Variants in TGFBR3 observed in about 807,000 individuals in gnomAD.
TGFBR3 encodes the protein transforming growth factor beta receptor 3, also known as transforming growth factor beta receptor type 3.
Under a neutral mutation model 87.9 loss-of-function variants are expected in TGFBR3, and 46 were observed. The observed-to-expected ratio is 0.52, with a 90% confidence interval of 0.41 to 0.67. The LOEUF is 0.67. Among genes scored for constraint, TGFBR3 ranks in the 30% least tolerant of loss-of-function variants. The probability of loss-of-function intolerance (pLI) is 0.00; values close to 1 mark genes in which losing one functional copy is unlikely to be tolerated. For synonymous variants in TGFBR3, 381 were observed against 391.6 expected, an observed-to-expected ratio of 0.97 and a Z score of 0.32; for missense variants, 866 against 1,041.9, an observed-to-expected ratio of 0.83 and a Z score of 2.32.
intron 7 of TGFBR3, among the ~76,000 whole-genome samples, chr1:91,723,912 C>T (rs1672460089): frequency 6.6e-6 from 1 of 152,190 alleles, no homozygotes; most frequent in African/African-American, 2.4e-5. Flanking sequence ...AATCCTTTCC[C>T]ACTGTAAAAC....
At chr1:91,757,135 C>T (rs1366259765) in intron 4 of TGFBR3, among the ~76,000 whole-genome samples, 1 of 152,138 alleles carries the variant, frequency 6.6e-6, no homozygotes, top group Non-Finnish European at 1.5e-5. Context: ...CTTTTTGTCT[C>T]CTCTAATCTG....
chr1:91,733,650 A>G (rs1327257436), intron 5 of TGFBR3, among the ~76,000 whole-genome samples: 1 of 152,216 alleles, frequency 6.6e-6, no homozygotes, highest in East Asian at 1.9e-4. Context: ...TGTTCACACA[A>G]TCAGCCAGCT....
intron 3 of TGFBR3, among the ~76,000 whole-genome samples, chr1:91,796,030 A>G (rs1056281543): frequency 3.9e-5 from 6 of 152,198 alleles, no homozygotes; most frequent in African/African-American, 1.4e-4. Context: ...TCTGGAAATT[A>G]ACTTTCTTGA....
chr1:91,852,385 T>C (rs1677770703), intron 2 of TGFBR3, among the ~76,000 whole-genome samples: 1 of 152,170 alleles, frequency 6.6e-6, no homozygotes. Flanking sequence ...CCCGTGTGTG[T>C]GTATGTGTGT....
At chr1:91,904,217 T>G (rs766289398) in intron 1 of TGFBR3, among the ~76,000 whole-genome samples, 8 of 151,496 alleles carry the variant, frequency 5.3e-5, no homozygotes, top group African/African-American at 9.7e-5. Flanking sequence ...ACTCAAAAAC[T>G]TACTTTGGAA....
intron 1 of TGFBR3, among the ~76,000 whole-genome samples, chr1:91,869,705 A>T (rs1376053284): frequency 6.6e-6 from 1 of 152,220 alleles, no homozygotes; most frequent in Non-Finnish European, 1.5e-5. Context: ...AGGATGATAA[A>T]TTAGAACATT....
chr1:91,786,619 C>T (rs1204049721), intron 3 of TGFBR3, among the ~76,000 whole-genome samples: 1 of 151,764 alleles, frequency 6.6e-6, no homozygotes. Context: ...GGTGTAGTGG[C>T]GGGTGCCTGT....
rs57364204 is a variant in TGFBR3, at chr1:91,729,150, T to TACACACACACACACAC, written c.737+639_737+654dup. Among the ~76,000 whole-genome samples the TACACACACACACACAC allele has an allele frequency of 4.6e-4, 31 of 66,906 alleles. 1 individual carries two copies. The highest frequency in any genetic ancestry group is 7.3e-4 in the Non-Finnish European group (25 of 34,184). 43.9% of individuals were successfully genotyped at this position (66,906 alleles called of 152,430 possible). A position where few individuals can be genotyped will look rare whatever the true frequency, so the allele number is the denominator to read the frequency against. ...GTCACCATGGAGGGCCACTCCAGCA[T>TACACACACACACACAC]ACACACACACACACACACACACACA... On this transcript the variant is annotated intron_variant, in intron 6 of 16. Coordinates refer to ENST00000212355, the MANE Select transcript of TGFBR3 (RefSeq NM_003243.5).
At position 91,800,236 on chromosome 1, in the gene TGFBR3, AAAAAAATAT is replaced by A. The variant is rs770791292; in HGVS notation, c.62-2774_62-2766del. Among the ~76,000 whole-genome samples the A allele has an allele frequency of 7.4e-4, 98 of 133,040 alleles. 1 individual carries two copies. Among genetic ancestry groups the A allele is most frequent in the Middle Eastern group, 4.0e-3 (1 of 250 alleles). 87.3% of individuals were successfully genotyped at this position (133,040 alleles called of 152,430 possible). ...ATGAAACCCCATCTCTACAAAAAAA[AAAAAAATAT>A]ATATATATATACACACACACACACA... is the stretch of plus-strand genomic sequence containing the variant. On this transcript the variant is annotated intron_variant, in intron 2 of 16. Coordinates refer to ENST00000212355, the MANE Select transcript of TGFBR3 (RefSeq NM_003243.5).
intron 3 of TGFBR3, among the ~76,000 whole-genome samples, chr1:91,765,481 C>T (rs1380408290): frequency 2.0e-5 from 3 of 152,012 alleles, no homozygotes; most frequent in South Asian, 2.1e-4. Flanking sequence ...AAACAAATGA[C>T]GGAGATGCTT....
At chr1:91,833,295 C>CA (rs33915205) in intron 2 of TGFBR3, among the ~76,000 whole-genome samples, 1,961 of 32,018 alleles carry the variant, frequency 0.061, 449 homozygotes, top group Non-Finnish European at 0.084. Context: ...GACTCCGACT[C>CA]AAAAAAAAAA....
chr1:91,691,382 C>T (rs1336324362), intron 16 of TGFBR3, among the ~76,000 whole-genome samples: 1 of 152,064 alleles, frequency 6.6e-6, no homozygotes, highest in Non-Finnish European at 1.5e-5. Context: ...AAAGAAAAAA[C>T]AGGTTATATA....
chr1:91,890,959 G>T (rs1017431118), upstream of TGFBR3, among the ~76,000 whole-genome samples: 1 of 151,500 alleles, frequency 6.6e-6, no homozygotes, highest in African/African-American at 2.4e-5. Flanking sequence ...GTGCAGTGGT[G>T]CAGTCTTGGT....
chr1:91,768,292 T>C (rs1435455048), intron 3 of TGFBR3, among the ~76,000 whole-genome samples: 1 of 152,086 alleles, frequency 6.6e-6, no homozygotes, highest in Non-Finnish European at 1.5e-5. Context: ...TCTTACAGCA[T>C]CCAGAATCTG....
At chr1:91,689,739 G>A (rs1394473259) in intron 16 of TGFBR3, among the ~76,000 whole-genome samples, 1 of 150,938 alleles carries the variant, frequency 6.6e-6, no homozygotes, top group Non-Finnish European at 1.5e-5. Context: ...GTAACTTTGA[G>A]CTTGTCACAT....
At chr1:91,850,652 G>A (rs1356845919) in intron 2 of TGFBR3, among the ~76,000 whole-genome samples, 8 of 152,078 alleles carry the variant, frequency 5.3e-5, no homozygotes, top group Non-Finnish European at 1.0e-4. Context: ...GTGGTGCCAC[G>A]TGCCTGTAGT....
intron 2 of TGFBR3, among the ~76,000 whole-genome samples, chr1:91,894,574 G>A (rs904439604): frequency 6.6e-6 from 1 of 152,196 alleles, no homozygotes; most frequent in Admixed American, 6.5e-5. Flanking sequence ...TTACCTAACT[G>A]CTCTTAGTTT....
rs190061296 is a variant in TGFBR3, at chr1:91,701,726, G to A, written c.2288-3596C>T. ...AATTTGGTACTAGGCACCATAGGAC[G>A]GAGTGGGCCCACAGTGAAACAAGAC... On this transcript the variant is annotated intron_variant, in intron 14 of 16. Transcript: ENST00000212355. Among the ~76,000 whole-genome samples, 321 of 152,164 alleles carry A rather than the reference G, an allele frequency of 2.1e-3. 2 individuals are homozygous for A. Among genetic ancestry groups the A allele is most frequent in the African/African-American group, 7.0e-3 (292 of 41,488 alleles).
intron 14 of TGFBR3, among the ~76,000 whole-genome samples, chr1:91,699,697 G>T (rs1671558434): frequency 6.6e-6 from 1 of 152,178 alleles, no homozygotes; most frequent in African/African-American, 2.4e-5. Flanking sequence ...TGAGCAGCCT[G>T]AGACTCTGAT....
Sources: gnomAD v4.1 joint callset for allele counts (sites outside exome capture counted in the v4.1 genomes callset) on GRCh38, gnomAD v4.1.1 for gene constraint, MANE v1.5 for transcripts, NCBI Gene and HGNC (gene_info 2026-07-23, HGNC 2026-07-21) for gene names.